Variants in GRB2 observed in about 807,000 individuals in gnomAD.
GRB2 encodes growth factor receptor-bound protein 2.
A neutral mutation model predicts 27.4 loss-of-function variants in GRB2; 2 were observed. The ratio of observed to expected loss-of-function variants is 0.07; its 90% CI spans 0.03 to 0.23. The LOEUF (loss-of-function observed/expected upper bound fraction) is 0.23, where lower values mean the gene tolerates loss of function less well. Ranked by LOEUF, GRB2 falls within the 10% of genes least tolerant of loss-of-function variation. The pLI, the probability that GRB2 is intolerant of heterozygous loss-of-function variation, is 1.00. For synonymous variants in GRB2, 94 were observed against 99.6 expected (o/e 0.94, Z 0.33); for missense variants, 102 against 282.4 (o/e 0.36, Z 4.58).
intron 2 of GRB2, among the ~76,000 whole-genome samples, chr17:75,384,021 G>C (rs935910750): frequency 3.9e-5 from 6 of 152,180 alleles, no homozygotes; most frequent in African/African-American, 1.4e-4. Flanking sequence ...GTCTGTGACA[G>C]AGCTAGGATT....
chr17:75,389,245 C>G (rs1451915062), intron 2 of GRB2, among the ~76,000 whole-genome samples: 1 of 152,100 alleles, frequency 6.6e-6, no homozygotes, highest in Non-Finnish European at 1.5e-5. Flanking sequence ...TCAAACACAA[C>G]AAGCACAAGT....
At chr17:75,361,330 G>A (rs1413612335) in intron 2 of GRB2, among the ~76,000 whole-genome samples, 1 of 152,190 alleles carries the variant, frequency 6.6e-6, no homozygotes, top group Non-Finnish European at 1.5e-5. Context: ...AAACTACAGA[G>A]TGGCAAAGAT....
At chr17:75,373,801 T>A (rs75823827) in intron 2 of GRB2, 2 of 10,070 alleles carry the variant, frequency 2.0e-4, no homozygotes, top group East Asian at 0.011. Context: ...TACTGGTATT[T>A]TTTTTTTTTT....
At chr17:75,339,343 G>A (rs150745517) in intron 2 of GRB2, among the ~76,000 whole-genome samples, 3,221 of 151,718 alleles carry the variant, frequency 0.021, 112 homozygotes, top group African/African-American at 0.067. Context: ...ACAGGCGCCC[G>A]CCACCACGCC....
intron 2 of GRB2, among the ~76,000 whole-genome samples, chr17:75,384,523 A>C (rs906975610): frequency 6.6e-6 from 1 of 152,088 alleles, no homozygotes; most frequent in Non-Finnish European, 1.5e-5. Flanking sequence ...ACAAAAAATA[A>C]GCCGGGCGTG....
At chr17:75,395,841 T>A (rs955679929) in intron 1 of GRB2, among the ~76,000 whole-genome samples, 1 of 2,542 alleles carries the variant, frequency 3.9e-4, no homozygotes, top group Non-Finnish European at 7.1e-3. Context: ...ACTTTTTGTG[T>A]TTTTTTTTTT....
intron 3 of GRB2, among the ~76,000 whole-genome samples, chr17:75,331,435 T>C (rs1218324417): frequency 2.6e-5 from 4 of 152,212 alleles, no homozygotes; most frequent in Admixed American, 2.6e-4. Flanking sequence ...GCCTTTCCTA[T>C]CTTTCCTCAA....
chr17:75,340,493 AT>A (rs1361765179), intron 2 of GRB2, among the ~76,000 whole-genome samples: 4 of 152,192 alleles, frequency 2.6e-5, no homozygotes, highest in Admixed American at 2.0e-4. Flanking sequence ...CTACTACATA[AT>A]TTCAAGTTCC....
At chr17:75,326,227 A>G (rs1314727720) in intron 3 of GRB2, 15 of 578,358 alleles carry the variant, frequency 2.6e-5, no homozygotes, top group South Asian at 4.0e-5. Flanking sequence ...CATTTCCCAG[A>G]AAGCGACTCA....
At chr17:75,368,826 G>A (rs1222073791) in intron 2 of GRB2, among the ~76,000 whole-genome samples, 2 of 152,164 alleles carry the variant, frequency 1.3e-5, no homozygotes, top group African/African-American at 2.4e-5. Context: ...GATTATAGGT[G>A]TGAGCCACTG....
intron 2 of GRB2, among the ~76,000 whole-genome samples, chr17:75,356,729 C>T (rs1379958284): frequency 6.6e-6 from 1 of 152,118 alleles, no homozygotes; most frequent in Non-Finnish European, 1.5e-5. Context: ...AGGTCAATTC[C>T]CTGCCCTCAT....
At chr17:75,404,201 A>C (rs1164448133) in intron 1 of GRB2, among the ~76,000 whole-genome samples, 2 of 152,186 alleles carry the variant, frequency 1.3e-5, no homozygotes, top group African/African-American at 4.8e-5. Flanking sequence ...CATAATCTTA[A>C]AAGAAAAAGA....
chr17:75,358,932 A>AT (rs1390349798), intron 2 of GRB2, among the ~76,000 whole-genome samples: 22 of 118,362 alleles, frequency 1.9e-4, no homozygotes, highest in East Asian at 5.9e-4. Flanking sequence ...TATATATATA[A>AT]AATAGGCCAG....
chr17:75,401,750 TAA>T (rs2079065215), intron 1 of GRB2, among the ~76,000 whole-genome samples: 1 of 152,244 alleles, frequency 6.6e-6, no homozygotes. Context: ...AACTACCTTA[TAA>T]AGTCATTTTG....
intron 1 of GRB2, among the ~76,000 whole-genome samples, chr17:75,397,816 A>AATTT (rs57166874): frequency 0.12 from 17,472 of 147,770 alleles, 1,522 homozygotes; most frequent in African/African-American, 0.25. Context: ...AATCACTCAA[A>AATTT]ATTTATTTAT....
intron 2 of GRB2, among the ~76,000 whole-genome samples, chr17:75,366,086 T>C (rs577454432): frequency 7.2e-5 from 11 of 152,110 alleles, no homozygotes; most frequent in Non-Finnish European, 1.5e-4. Context: ...TGTCCAGTAG[T>C]AGAACAGTTA....
intron 3 of GRB2, 35 bp downstream of exon 3, chr17:75,332,665 T>G (rs776982208): frequency 8.0e-7 from 1 of 1,243,572 alleles, no homozygotes; most frequent in Non-Finnish European, 1.2e-6. Context: ...AGGAGGTGGG[T>G]CCAACCCTTC....
At chr17:75,333,690 G>A (rs1192017386) in intron 2 of GRB2, among the ~76,000 whole-genome samples, 1 of 152,104 alleles carries the variant, frequency 6.6e-6, no homozygotes, top group Admixed American at 6.6e-5. Context: ...ATATGCCCTC[G>A]TATGGGAAAA....
intron 2 of GRB2, chr17:75,338,886 C>T (rs1361308096): frequency 7.2e-6 from 6 of 831,078 alleles, no homozygotes; most frequent in Admixed American, 3.4e-5. Flanking sequence ...AGCATCAACC[C>T]CACAAAGTGA....
Sources: allele counts gnomAD v4.1 joint callset (sites outside exome capture counted in the v4.1 genomes callset), GRCh38; gene constraint gnomAD v4.1.1; transcripts MANE v1.5; gene names NCBI Gene and HGNC (gene_info 2026-07-23, HGNC 2026-07-21).